The following FSIP2 variants were observed in gnomAD, a reference collection of about 807,000 sequenced individuals.
The protein encoded by FSIP2 is fibrous sheath-interacting protein 2.
FSIP2 carries 367 observed loss-of-function variants against 510.5 expected under a neutral mutation model. The observed-to-expected ratio is 0.72, with a 90% CI of 0.66 to 0.78. FSIP2 has a LOEUF of 0.78. Ranked by LOEUF, FSIP2 falls within the 30% of genes least tolerant of loss-of-function variation. The pLI is 0.00. For missense variants in FSIP2, 7,594 were observed against 7,901.7 expected (o/e 0.96, Z 1.48); for synonymous variants, 2,601 against 2,732.2 (o/e 0.95, Z 1.50).
intron 19 of FSIP2, among the ~76,000 whole-genome samples, chr2:185,816,399 A>C (rs1045970933): frequency 6.6e-6 from 1 of 152,028 alleles, no homozygotes; most frequent in Non-Finnish European, 1.5e-5. Context: ...ATACTAAATA[A>C]AAATGATTTT....
intron 13 of FSIP2, among the ~76,000 whole-genome samples, chr2:185,768,923 C>T (rs1253249392): frequency 6.6e-6 from 1 of 152,078 alleles, no homozygotes; most frequent in Non-Finnish European, 1.5e-5. Context: ...AGGACAATGG[C>T]CTCCAGCTCC....
At chr2:185,762,179 A>C (rs1280433515) in intron 11 of FSIP2, among the ~76,000 whole-genome samples, 162 bp downstream of exon 11, 1 of 151,264 alleles carries the variant, frequency 6.6e-6, no homozygotes, top group African/African-American at 2.4e-5. Flanking sequence ...TAATTAGCCC[A>C]TATATTTGAG....
At chr2:185,768,514 A>C (rs1230926275) in intron 13 of FSIP2, among the ~76,000 whole-genome samples, 1 of 152,056 alleles carries the variant, frequency 6.6e-6, no homozygotes, top group Non-Finnish European at 1.5e-5. Context: ...TTATTGAAAA[A>C]ATTATCTTTC....
Position 185,789,220 on chromosome 2 carries a change from A to T in FSIP2, c.2084A>T (p.Asn695Ile), listed in dbSNP as rs993706036. ...EMKNLKNVFV[N>I]FKCYLKGETE... ...AAGAATTTAAAAAATGTTTTTGTTAACTTTAAATGTTACTTGAAAGGGGAA... is the reference window on the plus strand; with the variant it reads ...AAGAATTTAAAAAATGTTTTTGTTATCTTTAAATGTTACTTGAAAGGGGAA... Residue 695 changes from asparagine to isoleucine, a missense_variant, in exon 16 of 23, where the codon AAC becomes ATC. Transcript: ENST00000424728. 4.2e-5 allele frequency: 65 copies of T among 1,534,116 alleles called. No individual in the cohort carries two copies. The highest frequency in any genetic ancestry group is 5.0e-5 in the Non-Finnish European group (57 of 1,145,692).
At chr2:185,753,474 T>C (rs1232026123) in intron 7 of FSIP2, among the ~76,000 whole-genome samples, 1 of 151,434 alleles carries the variant, frequency 6.6e-6, no homozygotes, top group African/African-American at 2.4e-5. Context: ...AGATACCCTG[T>C]CTGATCAGAA....
intron 13 of FSIP2, among the ~76,000 whole-genome samples, chr2:185,770,164 G>C (rs1009371060): frequency 2.6e-5 from 4 of 152,154 alleles, no homozygotes; most frequent in Admixed American, 6.5e-5. Flanking sequence ...GCTTTGGGCA[G>C]CATGGTCATT....
chr2:185,786,157 T>C, intron 14 of FSIP2, 95 bp from the exon 15 acceptor site: 1 of 780,652 alleles, frequency 1.3e-6, no homozygotes. Flanking sequence ...AAATCTTAGA[T>C]ACAACAAAAT....
intron 19 of FSIP2, among the ~76,000 whole-genome samples, chr2:185,819,331 C>A (rs556454274): frequency 6.6e-6 from 1 of 151,842 alleles, no homozygotes; most frequent in African/African-American, 2.4e-5. Context: ...GGCAAAAGAA[C>A]GTTCTTCTCT....
intron 9 of FSIP2, among the ~76,000 whole-genome samples, chr2:185,758,779 C>T (rs1040766527): frequency 1.3e-5 from 2 of 151,176 alleles, no homozygotes; most frequent in Non-Finnish European, 3.0e-5. Context: ...TCATCGATAG[C>T]TGGGCCTATT....
chr2:185,797,549 A>G, intron 16 of FSIP2, 23 bp downstream of exon 16: 14 of 1,473,842 alleles, frequency 9.5e-6, no homozygotes, highest in Non-Finnish European at 1.2e-5. Flanking sequence ...GAACGTACCT[A>G]AAAATTTGCA....
chr2:185,779,706 GC>G (rs1692802038), intron 13 of FSIP2, among the ~76,000 whole-genome samples: 1 of 151,650 alleles, frequency 6.6e-6, no homozygotes, highest in African/African-American at 2.4e-5. Flanking sequence ...ATTTATATTT[GC>G]CCACCTGTTT....
intron 7 of FSIP2, among the ~76,000 whole-genome samples, chr2:185,753,122 C>T (rs1354566394): frequency 6.6e-6 from 1 of 151,214 alleles, no homozygotes; most frequent in Non-Finnish European, 1.5e-5. Context: ...GGGGAATAGG[C>T]ATGTTTTCTA....
chr2:185,793,996 C>T lies in FSIP2; in HGVS notation c.6860C>T (p.Pro2287Leu). ...AGTAAAGAAAAGTCATTTGTTATCC[C>T]AGAATTGGAAAATTGTAAACAAAAT... ...FQSKEKSFVI[P>L]ELENCKQNDS... The change falls in exon 16 of 23, where the codon CCA becomes CTA. Residue 2287 changes from proline (P) to leucine (L), a missense_variant. Physicochemically the swap from Pro to Leu is moderately conservative, Grantham distance 98. Transcript: ENST00000424728. The T allele has an allele frequency of 6.5e-7, 1 of 1,532,962 alleles. No individual in the cohort carries two copies. Among genetic ancestry groups the T allele is most frequent in the Non-Finnish European group, 8.7e-7 (1 of 1,144,844 alleles). 95.0% of individuals were successfully genotyped at this position (1,532,962 alleles called of 1,614,324 possible).
chr2:185,744,274 A>G (rs769794876), intron 3 of FSIP2, 48 bp from the exon 4 acceptor site: 10 of 366,790 alleles, frequency 2.7e-5, no homozygotes, highest in Non-Finnish European at 4.1e-5. Flanking sequence ...TAATATTAAC[A>G]TATCAAACAT....
At chr2:185,828,132 C>A in intron 20 of FSIP2, 24 bp from the exon 21 acceptor site, 2 of 1,133,834 alleles carry the variant, frequency 1.8e-6, no homozygotes, top group Non-Finnish European at 2.5e-6. Context: ...GACTATTTTA[C>A]TTTTTTTTTT....
intron 13 of FSIP2, among the ~76,000 whole-genome samples, chr2:185,781,465 C>T (rs7605929): frequency 0.66 from 99,786 of 152,118 alleles, 33,048 homozygotes; most frequent in South Asian, 0.72. Flanking sequence ...ATGAACCCCA[C>T]TGTAAGTCAA....
At chr2:185,787,785 A>C (rs1189316983) in intron 15 of FSIP2, among the ~76,000 whole-genome samples, 3 of 151,730 alleles carry the variant, frequency 2.0e-5, no homozygotes, top group African/African-American at 7.2e-5. Context: ...CAAACAAATT[A>C]ATAGTCTAAC....
Position 185,792,025 on chromosome 2 carries a change from C to T in FSIP2, c.4889C>T (p.Thr1630Ile). The T allele has an allele frequency of 6.5e-7, 1 of 1,533,918 alleles. No individual in the cohort carries two copies. Among genetic ancestry groups the T allele is most frequent in the Non-Finnish European group, 8.7e-7 (1 of 1,145,362 alleles). ...EYESTNISRD[T>I]HEASFLSALY... is the part of the protein sequence containing the mutation. ...GAAAGCACCAATATTTCCAGAGACA[C>T]ACATGAAGCATCATTTCTGTCTGCT... The change falls in exon 16 of 23, where the codon ACA (threonine) becomes ATA (isoleucine). Residue 1630 changes from threonine (T) to isoleucine (I), a missense_variant. Transcript: ENST00000424728.
At chr2:185,755,214 G>A (rs945522363) in intron 8 of FSIP2, among the ~76,000 whole-genome samples, 10 of 151,494 alleles carry the variant, frequency 6.6e-5, no homozygotes, top group Admixed American at 1.3e-4. Flanking sequence ...CATACTTCCC[G>A]CTGTCTTAAT....
Sources: allele counts gnomAD v4.1 joint callset (sites outside exome capture counted in the v4.1 genomes callset), GRCh38; gene constraint gnomAD v4.1.1; transcripts MANE v1.5; gene names NCBI Gene and HGNC (gene_info 2026-07-23, HGNC 2026-07-21).